ZNF385D: variants seen among roughly 807,000 people sequenced by gnomAD.
ZNF385D encodes the protein zinc finger protein 659.
Under a neutral mutation model 35.8 loss-of-function variants are expected in ZNF385D, and 15 were observed. The observed-to-expected ratio is 0.42, with a 90% CI of 0.28 to 0.64. The LOEUF (loss-of-function observed/expected upper bound fraction) is 0.64, where lower values mean the gene tolerates loss of function less well. Among genes scored for constraint, ZNF385D ranks in the 30% least tolerant of loss-of-function variants. The pLI, the probability that ZNF385D is intolerant of heterozygous loss-of-function variation, is 0.23. For synonymous variants in ZNF385D, 212 were observed against 186.8 expected, an observed-to-expected ratio of 1.13 and a Z score of -1.10; for missense variants, 474 against 494.6, an observed-to-expected ratio of 0.96 and a Z score of 0.39.
intron 3 of ZNF385D, among the ~76,000 whole-genome samples, chr3:21,932,661 C>T (rs186272533): frequency 2.0e-5 from 3 of 151,862 alleles, no homozygotes; most frequent in Admixed American, 1.3e-4. Flanking sequence ...GTTAAAAAAA[C>T]CCCACATGCT....
intron 1 of ZNF385D, among the ~76,000 whole-genome samples, chr3:21,693,839 ACT>A (rs1275812747): frequency 6.6e-6 from 1 of 150,456 alleles, no homozygotes; most frequent in Non-Finnish European, 1.5e-5. Flanking sequence ...AAATATTAAT[ACT>A]GTAAAACTTT....
intron 3 of ZNF385D, among the ~76,000 whole-genome samples, chr3:21,541,748 T>C (rs55704627): frequency 0.033 from 5,063 of 152,266 alleles, 147 homozygotes; most frequent in South Asian, 0.11. Flanking sequence ...CTAGGATTAA[T>C]GAAATGGAAT....
intron 3 of ZNF385D, among the ~76,000 whole-genome samples, chr3:21,831,859 T>C (rs557128265): frequency 6.6e-6 from 1 of 152,320 alleles, no homozygotes; most frequent in South Asian, 2.1e-4. Flanking sequence ...GACTTTGTAC[T>C]GATATCAAAA....
chr3:21,756,119 AC>A (rs1487752998), upstream of ZNF385D, among the ~76,000 whole-genome samples: 6 of 152,190 alleles, frequency 3.9e-5, no homozygotes, highest in African/African-American at 1.4e-4. Flanking sequence ...TGAAGAATTG[AC>A]TAAAGCGAGC....
At chr3:22,143,199 C>T (rs1704633610) in intron 3 of ZNF385D, among the ~76,000 whole-genome samples, 1 of 151,878 alleles carries the variant, frequency 6.6e-6, no homozygotes, top group African/African-American at 2.4e-5. Context: ...TCTCCTGCCT[C>T]AGCCTCCGGA....
At chr3:22,060,576 G>A (rs1576242592) in intron 3 of ZNF385D, among the ~76,000 whole-genome samples, 1 of 152,028 alleles carries the variant, frequency 6.6e-6, no homozygotes, top group East Asian at 1.9e-4. Flanking sequence ...AATGTTCTGG[G>A]AAATTCTGTT....
chr3:21,791,406 G>C (rs1396161762), intron 3 of ZNF385D, among the ~76,000 whole-genome samples: 1 of 152,208 alleles, frequency 6.6e-6, no homozygotes, highest in African/African-American at 2.4e-5. Context: ...ATGAGCAATA[G>C]TGACAAGAAG....
rs149057910 is a variant in ZNF385D at position 21,732,277 on chromosome 3, C to G, written c.22+18618G>C. Among the ~76,000 whole-genome samples, 476 of 151,976 alleles carry G rather than the reference C, an allele frequency of 3.1e-3. 3 individuals carry two copies. Among genetic ancestry groups the G allele is most frequent in the African/African-American group, 0.011 (468 of 41,434 alleles). On this transcript the variant is annotated intron_variant, in intron 1 of 7. Coordinates refer to ENST00000281523, the MANE Select transcript of ZNF385D (RefSeq NM_024697.3). ...ATGTTGGCCAGTCTGGTCTGGAACT[C>G]CTGACCTCAGGTGATCTGCCTGCCT...
intron 3 of ZNF385D, among the ~76,000 whole-genome samples, chr3:21,790,920 C>A (rs1454352968): frequency 6.6e-6 from 1 of 152,132 alleles, no homozygotes; most frequent in Non-Finnish European, 1.5e-5. Flanking sequence ...TCTCTTCCTG[C>A]TTCCTAAGTT....
intron 3 of ZNF385D, among the ~76,000 whole-genome samples, chr3:21,880,306 G>A (rs996096313): frequency 6.6e-6 from 1 of 152,000 alleles, no homozygotes. Context: ...TGGCAATGCT[G>A]TGTCAAGCTT....
At chr3:21,910,529 C>T (rs1699912041) in intron 3 of ZNF385D, among the ~76,000 whole-genome samples, 1 of 151,836 alleles carries the variant, frequency 6.6e-6, no homozygotes, top group South Asian at 2.1e-4. Flanking sequence ...TTAAAATTCT[C>T]ATTTAAACAC....
chr3:22,095,645 C>G (rs780030975), intron 3 of ZNF385D, among the ~76,000 whole-genome samples: 8 of 139,706 alleles, frequency 5.7e-5, no homozygotes, highest in Non-Finnish European at 1.3e-4. Context: ...GTATAAAAAT[C>G]TATTGCAGGA....
intron 3 of ZNF385D, among the ~76,000 whole-genome samples, chr3:22,080,289 T>A (rs1437412519): frequency 2.0e-5 from 3 of 152,108 alleles, no homozygotes; most frequent in Non-Finnish European, 2.9e-5. Flanking sequence ...CTTGTGTCAG[T>A]CACCCAGGAG....
At chr3:22,209,846 A>G (rs762859809) in intron 2 of ZNF385D, among the ~76,000 whole-genome samples, 1 of 151,880 alleles carries the variant, frequency 6.6e-6, no homozygotes, top group South Asian at 2.1e-4. Context: ...ATTATAAGCT[A>G]ACTGTATATT....
chr3:22,010,368 A>G (rs1309139745), intron 3 of ZNF385D, among the ~76,000 whole-genome samples: 1 of 152,236 alleles, frequency 6.6e-6, no homozygotes, highest in African/African-American at 2.4e-5. Flanking sequence ...ATTCATTAAC[A>G]GAATCATTTC....
chr3:21,991,461 T>G (rs1324624201), intron 3 of ZNF385D, among the ~76,000 whole-genome samples: 1 of 152,196 alleles, frequency 6.6e-6, no homozygotes, highest in East Asian at 1.9e-4. Context: ...TGTATGTGTG[T>G]ATTTGATAAA....
chr3:21,785,522 C>T (rs780088170), intron 3 of ZNF385D, among the ~76,000 whole-genome samples: 3 of 152,184 alleles, frequency 2.0e-5, no homozygotes, highest in Non-Finnish European at 2.9e-5. Flanking sequence ...ACTTGAATAG[C>T]TAAAGCTTTG....
At chr3:22,151,253 G>A (rs1376438444) in intron 3 of ZNF385D, among the ~76,000 whole-genome samples, 3 of 152,252 alleles carry the variant, frequency 2.0e-5, no homozygotes, top group Admixed American at 1.3e-4. Flanking sequence ...GCTGACGGTG[G>A]TAGCACTATG....
At chr3:22,180,881 G>C (rs906367290) in intron 2 of ZNF385D, among the ~76,000 whole-genome samples, 2 of 139,624 alleles carry the variant, frequency 1.4e-5, no homozygotes, top group Non-Finnish European at 3.0e-5. Flanking sequence ...TGAAGATTTC[G>C]GCTTGTAAAT....
Sources: allele counts gnomAD v4.1 joint callset (sites outside exome capture counted in the v4.1 genomes callset), GRCh38; gene constraint gnomAD v4.1.1; transcripts MANE v1.5; gene names NCBI Gene and HGNC (gene_info 2026-07-23, HGNC 2026-07-21).